The following MAOB variants were observed in gnomAD, a reference collection of about 807,000 sequenced individuals.
The protein encoded by MAOB is monoamine oxidase B.
In MAOB, 15 loss-of-function variants were observed where a neutral mutation model predicts 41.9. The observed-to-expected ratio is 0.36, with a 90% confidence interval of 0.24 to 0.55. The LOEUF (loss-of-function observed/expected upper bound fraction) is 0.55, where lower values mean the gene tolerates loss of function less well. Ranked by LOEUF, MAOB falls within the 20% of genes least tolerant of loss-of-function variation. The pLI is 0.86. For synonymous variants in MAOB, 167 were observed against 144.2 expected, an observed-to-expected ratio of 1.16 and a Z score of -1.13; for missense variants, 345 against 398.7, an observed-to-expected ratio of 0.87 and a Z score of 1.15.
intron 11 of MAOB, among the ~76,000 whole-genome samples, chrX:43,778,321 G>A (rs1160036852): frequency 9.0e-6 from 1 of 110,650 alleles, no homozygotes; most frequent in Non-Finnish European, 1.9e-5. Flanking sequence ...TCCCCATCCT[G>A]GCTACCAGGA....
chrX:43,778,580 C>T, intron 11 of MAOB, 102 bp downstream of exon 11: 1 of 636,730 alleles, frequency 1.6e-6, no homozygotes, highest in East Asian at 3.5e-5. Context: ...TTGGGAAAAA[C>T]ATGAACTTCA....
At chrX:43,851,419 T>C (rs1212319228) in intron 1 of MAOB, among the ~76,000 whole-genome samples, 4 of 111,561 alleles carry the variant, frequency 3.6e-5, no homozygotes, top group Non-Finnish European at 7.5e-5. Flanking sequence ...ATACAATGTG[T>C]AATAATCACA....
At chrX:43,794,157 T>G (rs780205681) in intron 7 of MAOB, among the ~76,000 whole-genome samples, 215 of 111,743 alleles carry the variant, frequency 1.9e-3, no homozygotes, top group African/African-American at 6.4e-3. Flanking sequence ...TTACAGGCGT[T>G]AGCCACCAAG....
chrX:43,864,460 A>C (rs1436450776), intron 1 of MAOB, among the ~76,000 whole-genome samples: 1 of 111,590 alleles, frequency 9.0e-6, no homozygotes, highest in African/African-American at 3.3e-5. Context: ...TTTAGTTTGC[A>C]TTTCATTCCT....
chrX:43,877,818 G>T lies in MAOB; in HGVS notation c.46+4436C>A, dbSNP rs143810030. The stretch of plus-strand genomic sequence containing the variant: ...GCGGGGGGATAAAGGAATTGGCTGA[G>T]CCAGGATGAGGCTGAAGTCAGGCGA... On this transcript the variant is annotated intron_variant, in intron 1 of 14. Coordinates refer to ENST00000378069, the MANE Select transcript of MAOB (RefSeq NM_000898.5). Among the ~76,000 whole-genome samples the T allele has an allele frequency of 8.0e-3, 895 of 112,260 alleles. 4 individuals carry two copies. The highest frequency in any genetic ancestry group is 0.012 in the Admixed American group (133 of 10,676).
chrX:43,838,174 C>T (rs771162570), intron 3 of MAOB, among the ~76,000 whole-genome samples: 2 of 111,780 alleles, frequency 1.8e-5, no homozygotes, highest in Non-Finnish European at 3.8e-5. Flanking sequence ...ATGCTTGTGG[C>T]GGTCTGAGAA....
chrX:43,775,021 G>T (rs1339190656), intron 12 of MAOB, among the ~76,000 whole-genome samples, 154 bp downstream of exon 12: 1 of 107,027 alleles, frequency 9.3e-6, no homozygotes, highest in African/African-American at 3.4e-5. Flanking sequence ...TAAGATACAC[G>T]ATTTCATTCA....
rs183046944 is a variant in MAOB, at chrX:43,869,660, T to C, written c.46+12594A>G. On this transcript the variant is annotated intron_variant, in intron 1 of 14. Coordinates refer to ENST00000378069, the MANE Select transcript of MAOB (RefSeq NM_000898.5). ...CAATAGCAGATTAGTAAATAGAAAA[T>C]AAAATGAAAGAAAATCATTTTTCTG... Among the ~76,000 whole-genome samples the C allele has an allele frequency of 5.3e-3, 591 of 112,437 alleles. 2 individuals carry two copies. Among genetic ancestry groups the C allele is most frequent in the South Asian group, 0.017 (47 of 2,729 alleles).
At chrX:43,813,888 T>C (rs2034777542) in intron 3 of MAOB, among the ~76,000 whole-genome samples, 1 of 110,940 alleles carries the variant, frequency 9.0e-6, no homozygotes, top group African/African-American at 3.3e-5. Context: ...GAAAATCATG[T>C]AGTAGATTAG....
At chrX:43,775,614 A>G (rs1162232581) in intron 11 of MAOB, among the ~76,000 whole-genome samples, 2 of 111,943 alleles carry the variant, frequency 1.8e-5, no homozygotes, top group African/African-American at 3.2e-5. Context: ...AAAAGGATTT[A>G]TGTTTACTGG....
At chrX:43,857,112 TATATAGAGAGAG>T (rs1232009182) in intron 1 of MAOB, among the ~76,000 whole-genome samples, 100 of 14,957 alleles carry the variant, frequency 6.7e-3, no homozygotes, top group South Asian at 0.014. Context: ...TATATATATA[TATATAGAGAGAG>T]AGAGAGAGAG....
intron 1 of MAOB, among the ~76,000 whole-genome samples, chrX:43,864,019 A>C (rs1310805395): frequency 8.9e-6 from 1 of 111,740 alleles, no homozygotes; most frequent in Non-Finnish European, 1.9e-5. Context: ...GAATTTAATA[A>C]CATTGTTTAT....
intron 3 of MAOB, among the ~76,000 whole-genome samples, chrX:43,829,990 C>T (rs12851487): frequency 0.084 from 9,320 of 110,954 alleles, 376 homozygotes; most frequent in Non-Finnish European, 0.13. Context: ...AAAAGAAGAA[C>T]GTAAAATCTC....
chrX:43,861,558 A>T (rs1174822367), intron 1 of MAOB, among the ~76,000 whole-genome samples: 1 of 111,902 alleles, frequency 8.9e-6, no homozygotes, highest in African/African-American at 3.2e-5. Flanking sequence ...GCATAATGTT[A>T]GCTCCATAGC....
intron 8 of MAOB, among the ~76,000 whole-genome samples, chrX:43,785,909 T>C (rs961452800): frequency 4.5e-5 from 5 of 111,895 alleles, no homozygotes; most frequent in African/African-American, 1.6e-4. Context: ...TGATCACAGA[T>C]CACCATGACA....
chrX:43,794,634 C>T (rs999187301), intron 7 of MAOB, among the ~76,000 whole-genome samples: 1 of 110,527 alleles, frequency 9.0e-6, no homozygotes, highest in Non-Finnish European at 1.9e-5. Context: ...TTTCTAATTA[C>T]ATAAAAGCAA....
intron 3 of MAOB, among the ~76,000 whole-genome samples, chrX:43,808,111 A>C (rs908562628): frequency 5.4e-5 from 6 of 111,103 alleles, no homozygotes; most frequent in Admixed American, 2.9e-4. Flanking sequence ...ATGCACATTG[A>C]GAGCAATGTG....
In MAOB at chrX:43,880,539, C is replaced by T. The variant is rs183355361; in HGVS notation, c.46+1715G>A. 2.4e-3 allele frequency among the ~76,000 whole-genome samples: 268 copies of T among 112,582 alleles called. 3 individuals carry two copies. The highest frequency in any genetic ancestry group is 0.018 in the Middle Eastern group (4 of 219). On this transcript the variant is annotated intron_variant, in intron 1 of 14. Transcript: ENST00000378069. ...ATGAAGCAATTGAGTAAGACTGGGC[C>T]TTGGAAGGCTGCTTTCTTGGTTCTT...
At chrX:43,768,200 A>G (rs1390245479) in intron 14 of MAOB, among the ~76,000 whole-genome samples, 1 of 112,219 alleles carries the variant, frequency 8.9e-6, no homozygotes, top group Non-Finnish European at 1.9e-5. Context: ...AAAACTTCCT[A>G]GGATTTTATT....
Sources: allele counts gnomAD v4.1 joint callset (sites outside exome capture counted in the v4.1 genomes callset), GRCh38; gene constraint gnomAD v4.1.1; transcripts MANE v1.5; gene names NCBI Gene and HGNC (gene_info 2026-07-23, HGNC 2026-07-21).